Variants in MED12L observed in about 807,000 individuals in gnomAD.
The protein encoded by MED12L is mediator complex subunit 12L.
MED12L carries 60 observed loss-of-function variants against 281.3 expected under a neutral mutation model. That is an observed-to-expected ratio of 0.21 (90% CI 0.17 to 0.26). The LOEUF is 0.26. Among genes scored for constraint, MED12L ranks in the 10% least tolerant of loss-of-function variants. MED12L has a pLI of 1.00. For missense variants in MED12L, 2,146 were observed against 2,680.9 expected, an observed-to-expected ratio of 0.80 and a Z score of 4.41; for synonymous variants, 974 against 987.2, an observed-to-expected ratio of 0.99 and a Z score of 0.25.
At chr3:151,238,931 A>T (rs183490598) in intron 16 of MED12L, among the ~76,000 whole-genome samples, 15 of 152,310 alleles carry the variant, frequency 9.8e-5, no homozygotes, top group African/African-American at 3.6e-4. Flanking sequence ...ACAAACTAAT[A>T]ATTGTACTTG....
At chr3:151,218,436 C>T (rs542480754) in intron 16 of MED12L, among the ~76,000 whole-genome samples, 1 of 152,304 alleles carries the variant, frequency 6.6e-6, no homozygotes, top group East Asian at 1.9e-4. Flanking sequence ...TTGATAGTTA[C>T]TTCTGGTATT....
intron 39 of MED12L, among the ~76,000 whole-genome samples, chr3:151,406,398 CCATTT>C (rs1716310973): frequency 6.6e-6 from 1 of 152,154 alleles, no homozygotes; most frequent in African/African-American, 2.4e-5. Context: ...AAGTAGGAAT[CCATTT>C]CATTCTGATA....
At chr3:151,294,670 G>A in intron 16 of MED12L, 1 of 1,614,136 alleles carries the variant, frequency 6.2e-7, no homozygotes, top group Non-Finnish European at 8.5e-7. Flanking sequence ...TAAGTTTTGA[G>A]CAGTCATGGA....
intron 16 of MED12L, among the ~76,000 whole-genome samples, chr3:151,286,044 T>G (rs571940903): frequency 2.6e-5 from 4 of 152,316 alleles, no homozygotes; most frequent in African/African-American, 9.6e-5. Flanking sequence ...GTGGTTATGA[T>G]AGGAGGATTT....
intron 16 of MED12L, among the ~76,000 whole-genome samples, chr3:151,260,069 C>T (rs754114458): frequency 2.0e-5 from 3 of 152,110 alleles, no homozygotes; most frequent in Non-Finnish European, 4.4e-5. Context: ...CAGCTCACTG[C>T]TGGGGATATG....
intron 16 of MED12L, among the ~76,000 whole-genome samples, chr3:151,302,538 T>C (rs1402135772): frequency 6.6e-6 from 1 of 152,238 alleles, no homozygotes; most frequent in Non-Finnish European, 1.5e-5. Context: ...GCTTTATAAA[T>C]GCCAGTTTCT....
At chr3:151,136,384 G>T (rs1045406678) in intron 5 of MED12L, among the ~76,000 whole-genome samples, 2 of 152,200 alleles carry the variant, frequency 1.3e-5, no homozygotes, top group African/African-American at 2.4e-5. Flanking sequence ...CATTTTCACA[G>T]TGTTCCTTCT....
rs369034531 is a variant in MED12L at position 151,110,972 on chromosome 3, T to G, written c.100-5366T>G. ...GAGAGGCAGAAACCTCAACTCTTCA[T>G]GTTAGCATGGTCTCTGTATCAGCAT... is the stretch of plus-strand genomic sequence containing the variant. On this transcript the variant is annotated intron_variant, in intron 2 of 44. Coordinates refer to ENST00000687756, the MANE Select transcript of MED12L (RefSeq NM_001393769.1). Among the ~76,000 whole-genome samples, 70 of 152,268 alleles carry G rather than the reference T, an allele frequency of 4.6e-4. 1 individual carries two copies. Among genetic ancestry groups the G allele is most frequent in the African/African-American group, 1.6e-3 (68 of 41,556 alleles).
chr3:151,322,931 A>G (rs1296002087), intron 16 of MED12L, among the ~76,000 whole-genome samples: 6 of 152,146 alleles, frequency 3.9e-5, no homozygotes, highest in East Asian at 1.9e-4. Context: ...GCCTGGGTCC[A>G]TATTTTGGCC....
intron 16 of MED12L, chr3:151,299,962 T>C (rs1745676523): frequency 3.8e-6 from 3 of 787,490 alleles, no homozygotes. Context: ...CTGGTTTATT[T>C]TGTTAGTTGG....
chr3:151,156,564 TATTA>T (rs1253333263), intron 6 of MED12L, among the ~76,000 whole-genome samples: 4 of 152,256 alleles, frequency 2.6e-5, no homozygotes, highest in African/African-American at 9.6e-5. Flanking sequence ...CTTTTAGTGC[TATTA>T]ATTAGTTCGT....
intron 39 of MED12L, among the ~76,000 whole-genome samples, chr3:151,402,442 C>T (rs146072477): frequency 1.2e-3 from 187 of 152,322 alleles, no homozygotes; most frequent in African/African-American, 4.2e-3. Flanking sequence ...CTGATGATCT[C>T]TTCTTACTTG....
At chr3:151,138,373 C>T (rs1716456907) in intron 5 of MED12L, among the ~76,000 whole-genome samples, 1 of 152,106 alleles carries the variant, frequency 6.6e-6, no homozygotes, top group African/African-American at 2.4e-5. Flanking sequence ...CATTCTCTCA[C>T]CCTTGCAAAC....
intron 2 of MED12L, among the ~76,000 whole-genome samples, chr3:151,098,930 A>G (rs987104968): frequency 9.9e-5 from 15 of 152,172 alleles, no homozygotes; most frequent in African/African-American, 3.6e-4. Context: ...CCTCACAATC[A>G]TGGTGGAAGG....
At chr3:151,353,903 A>T (rs1753565149) in intron 17 of MED12L, among the ~76,000 whole-genome samples, 1 of 152,030 alleles carries the variant, frequency 6.6e-6, no homozygotes, top group Admixed American at 6.5e-5. Context: ...GCACTTTGGG[A>T]GGCCGAGGCG....
intron 3 of MED12L, 39 bp from the exon 4 acceptor site, chr3:151,122,744 A>G (rs1033413900): frequency 2.1e-6 from 3 of 1,462,414 alleles, no homozygotes; most frequent in African/African-American, 2.8e-5. Flanking sequence ...CTACTTGCTT[A>G]TTGTCTTAAC....
Position 151,423,505 on chromosome 3 carries a change from G to A in MED12L, c.6409-6794G>A, listed in dbSNP as rs187204784. On this transcript the variant is annotated intron_variant, in intron 43 of 44. Coordinates refer to ENST00000687756, the MANE Select transcript of MED12L (RefSeq NM_001393769.1). ...AATCTGGTCTGGACTTAATATCAAT[G>A]CCTGTGTTGCCATCTACTTACTTCA... 3.2e-3 allele frequency among the ~76,000 whole-genome samples: 483 copies of A among 152,228 alleles called. 2 individuals carry two copies. The highest frequency in any genetic ancestry group is 3.2e-3 in the Non-Finnish European group (217 of 68,020).
At chr3:151,279,029 A>G (rs956911418) in intron 16 of MED12L, among the ~76,000 whole-genome samples, 6 of 152,174 alleles carry the variant, frequency 3.9e-5, no homozygotes, top group Non-Finnish European at 7.3e-5. Context: ...AGTTCCTTTC[A>G]GGCTCTGTAA....
At position 151,435,026 on chromosome 3, in the gene MED12L, A is replaced by AT. The variant is rs1418689211; in HGVS notation, c.*2226dup. 3.6e-5 allele frequency: 5 copies of AT among 139,126 alleles called. No individual in the cohort carries two copies. Among genetic ancestry groups the AT allele is most frequent in the South Asian group, 2.3e-4 (1 of 4,326 alleles). 8.6% of individuals were successfully genotyped at this position (139,126 alleles called of 1,614,324 possible). ...TAACTAGAATTACTTTAGTCTTCAG[A>AT]TTTTCTCCCTGTTAATTCTGTATCT... On this transcript the variant is annotated 3_prime_UTR_variant, in exon 45 of 45. Coordinates refer to ENST00000687756, the MANE Select transcript of MED12L (RefSeq NM_001393769.1).
Sources: allele counts gnomAD v4.1 joint callset (sites outside exome capture counted in the v4.1 genomes callset), GRCh38; gene constraint gnomAD v4.1.1; transcripts MANE v1.5; gene names NCBI Gene and HGNC (gene_info 2026-07-23, HGNC 2026-07-21).